Variants in FLRT1 observed in about 807,000 individuals in gnomAD.
FLRT1 encodes fibronectin leucine rich transmembrane protein 1.
In FLRT1, 14 loss-of-function variants were observed where a neutral mutation model predicts 30.9. The ratio of observed to expected loss-of-function variants is 0.45; its 90% CI spans 0.30 to 0.71. FLRT1 has a LOEUF of 0.71. FLRT1 is among the 30% of genes least tolerant of loss of function. The pLI is 0.08. For missense variants in FLRT1, 737 were observed against 949.2 expected (o/e 0.78, Z 2.94); for synonymous variants, 368 against 430.4 (o/e 0.85, Z 1.80).
Position 64,118,042 on chromosome 11 carries a change from G to T in FLRT1, c.1775G>T (p.Arg592Leu). Reference sequence around the variant, plus strand: ...CTGACCCGGGAGAGGGCCTACAACCGGGGCAGCAGGAAAAAGGATGACTAT... The same window carrying T: ...CTGACCCGGGAGAGGGCCTACAACCTGGGCAGCAGGAAAAAGGATGACTAT... ...ELLTRERAYN[R>L]GSRKKDDYME... is the part of the protein sequence containing the mutation. Residue 592 changes from arginine to leucine, a missense_variant, in exon 3 of 3, where the codon CGG becomes CTG. Transcript: ENST00000682287. The T allele has an allele frequency of 6.2e-7, 1 of 1,613,538 alleles. No individual in the cohort carries two copies. Among genetic ancestry groups the T allele is most frequent in the Non-Finnish European group, 8.5e-7 (1 of 1,179,886 alleles).
intron 1 of FLRT1, among the ~76,000 whole-genome samples, chr11:64,084,421 G>A (rs558610068): frequency 5.3e-5 from 8 of 152,348 alleles, no homozygotes; most frequent in African/African-American, 9.6e-5. Context: ...TTCCCGCGAA[G>A]CCCCCTCCCT....
At chr11:64,087,639 C>T (rs928227801) in intron 1 of FLRT1, among the ~76,000 whole-genome samples, 5 of 152,220 alleles carry the variant, frequency 3.3e-5, no homozygotes, top group Admixed American at 3.3e-4. Context: ...AGCCACCCTG[C>T]AGGACATGCA....
chr11:64,039,362 G>GC (rs941979558), intron 1 of FLRT1, among the ~76,000 whole-genome samples: 20 of 152,178 alleles, frequency 1.3e-4, no homozygotes, highest in African/African-American at 4.3e-4. Context: ...CAGGCCCCAG[G>GC]CCCTGGCTGC....
chr11:64,112,679 C>G (rs1348416314), intron 2 of FLRT1, among the ~76,000 whole-genome samples: 1 of 152,198 alleles, frequency 6.6e-6, no homozygotes, highest in Non-Finnish European at 1.5e-5. Flanking sequence ...AGGCGTGGAT[C>G]TGGGGATGAG....
intron 1 of FLRT1, 141 bp from the exon 2 acceptor site, chr11:64,103,053 G>C (rs1443413291): frequency 1.3e-5 from 2 of 151,650 alleles, no homozygotes; most frequent in African/African-American, 4.9e-5. Context: ...CCTGGCGACA[G>C]AGCGAGACTC....
chr11:64,116,857 C>T lies in FLRT1; in HGVS notation c.590C>T (p.Pro197Leu), dbSNP rs1280952682. The T allele has an allele frequency of 4.3e-6, 7 of 1,612,440 alleles. No homozygotes were observed. The highest frequency in any genetic ancestry group is 5.9e-6 in the Non-Finnish European group (7 of 1,179,952). The part of the protein sequence containing the change: ...NHLSSIPSGL[P>L]HTLEELRLDD... ...CTGAGCAGCATCCCCTCGGGGCTGC[C>T]GCACACGCTGGAGGAGCTGCGGCTG... is the stretch of plus-strand genomic sequence containing the variant. Residue 197 changes from proline (P) to leucine (L), a missense_variant, in exon 3 of 3, where the codon CCG (proline) becomes CTG (leucine). Physicochemically the swap from Pro to Leu is moderately conservative, Grantham distance 98. Coordinates refer to ENST00000682287, the MANE Select transcript of FLRT1 (RefSeq NM_013280.5).
rs556701976 is a variant in FLRT1 at position 64,117,035 on chromosome 11, G to A, written c.768G>A (p.Val256=). Residue 256 remains valine, a synonymous_variant, in exon 3 of 3, where the codon GTG becomes GTA. Coordinates refer to ENST00000682287, the MANE Select transcript of FLRT1 (RefSeq NM_013280.5). Reference sequence around the variant, plus strand: ...AGAACCTCACAGAGCTCTCGCTGGTGCGCAATTCGCTGGCCGCGCCACCCC... The same window carrying A: ...AGAACCTCACAGAGCTCTCGCTGGTACGCAATTCGCTGGCCGCGCCACCCC... ...RLQNLTELSL[V]RNSLAAPPLN... 33 of 1,610,060 alleles carry A rather than the reference G, an allele frequency of 2.0e-5. No homozygotes were observed. The highest frequency in any genetic ancestry group is 2.0e-4 in the African/African-American group (15 of 74,880).
At chr11:64,078,455 A>G (rs1450626466) in intron 1 of FLRT1, among the ~76,000 whole-genome samples, 2 of 152,224 alleles carry the variant, frequency 1.3e-5, no homozygotes, top group African/African-American at 4.8e-5. Flanking sequence ...TTACGCCAGG[A>G]AACAAGAGGA....
chr11:64,095,230 C>T (rs551599463), intron 1 of FLRT1, among the ~76,000 whole-genome samples: 8 of 152,304 alleles, frequency 5.3e-5, no homozygotes, highest in African/African-American at 1.9e-4. Flanking sequence ...CCCCATTCCT[C>T]CCAATTCAGC....
rs529757926 is a variant in FLRT1 at position 64,116,359 on chromosome 11, T to C, written c.92T>C (p.Leu31Pro). ...GTGATGACCACGGCCACCATGGACCTGCGGGACTGGCTGTTCCTCTGCTAC... is the reference window on the plus strand; with the variant it reads ...GTGATGACCACGGCCACCATGGACCCGCGGGACTGGCTGTTCCTCTGCTAC... ...TVVMTTATMD[L>P]RDWLFLCYGL... Residue 31 changes from leucine (L) to proline (P), a missense_variant, in exon 3 of 3, where the codon CTG becomes CCG. Physicochemically the swap from Leu to Pro is moderately conservative, Grantham distance 98 (BLOSUM62 -3). Transcript: ENST00000682287. 6.2e-7 allele frequency: 1 copy of C among 1,613,142 alleles called. No individual in the cohort carries two copies. The highest frequency in any genetic ancestry group is 1.3e-5 in the African/African-American group (1 of 74,934).
intron 1 of FLRT1, among the ~76,000 whole-genome samples, chr11:64,052,663 A>G (rs1009089855): frequency 6.6e-6 from 1 of 152,228 alleles, no homozygotes; most frequent in African/African-American, 2.4e-5. Context: ...TGACCTGGGC[A>G]TCCCTGATAG....
intron 1 of FLRT1, among the ~76,000 whole-genome samples, chr11:64,049,682 C>T (rs111693261): frequency 8.7e-4 from 132 of 152,210 alleles, no homozygotes; most frequent in African/African-American, 2.9e-3. Context: ...ACAGACAGCT[C>T]AGTGATCTGC....
At chr11:64,051,208 G>A (rs3897565) in intron 1 of FLRT1, among the ~76,000 whole-genome samples, 4 of 152,238 alleles carry the variant, frequency 2.6e-5, no homozygotes, top group African/African-American at 9.7e-5. Context: ...GGGGCCAGGG[G>A]TGCCAAGACA....
chr11:64,095,453 C>A (rs566828879), intron 1 of FLRT1, among the ~76,000 whole-genome samples: 2 of 152,278 alleles, frequency 1.3e-5, no homozygotes, highest in African/African-American at 4.8e-5. Flanking sequence ...ATTTCCAACA[C>A]AGGCAAAAAA....
At chr11:64,083,184 C>G (rs911372973) in intron 1 of FLRT1, 1 of 152,182 alleles carries the variant, frequency 6.6e-6, no homozygotes, top group Non-Finnish European at 1.5e-5. Context: ...GCTTGTAATC[C>G]CGGCACTTTG....
At chr11:64,066,938 G>A (rs1399264578) in intron 1 of FLRT1, among the ~76,000 whole-genome samples, 2 of 152,134 alleles carry the variant, frequency 1.3e-5, no homozygotes, top group Non-Finnish European at 2.9e-5. Context: ...CCCAGGTGCT[G>A]CCCGCCCCAG....
intron 2 of FLRT1, among the ~76,000 whole-genome samples, chr11:64,111,890 G>C (rs1944869903): frequency 1.3e-5 from 2 of 152,202 alleles, no homozygotes; most frequent in African/African-American, 4.8e-5. Context: ...TCACAGGAGA[G>C]TGGGCATCTC....
At chr11:64,069,761 G>T (rs571078940) in intron 1 of FLRT1, among the ~76,000 whole-genome samples, 2 of 152,306 alleles carry the variant, frequency 1.3e-5, no homozygotes, top group Admixed American at 6.5e-5. Flanking sequence ...TAAATGCTTC[G>T]CCAGGAAACC....
chr11:64,074,721 A>G (rs528609108), intron 1 of FLRT1, among the ~76,000 whole-genome samples: 51 of 152,250 alleles, frequency 3.3e-4, no homozygotes, highest in African/African-American at 1.2e-3. Context: ...TGGGTCCCTG[A>G]GCTGCTGCCC....
Sources: allele counts gnomAD v4.1 joint callset (sites outside exome capture counted in the v4.1 genomes callset), GRCh38; gene constraint gnomAD v4.1.1; transcripts MANE v1.5; gene names NCBI Gene and HGNC (gene_info 2026-07-23, HGNC 2026-07-21).